NOP58: variants seen among roughly 807,000 people sequenced by gnomAD.
NOP58 encodes nucleolar protein 58.
NOP58 carries 44 observed loss-of-function variants against 71.2 expected under a neutral mutation model. The ratio of observed to expected loss-of-function variants is 0.62; its 90% CI spans 0.49 to 0.79. The LOEUF (loss-of-function observed/expected upper bound fraction) is 0.79. Ranked by LOEUF, NOP58 falls within the 30% of genes least tolerant of loss-of-function variation. The pLI, the probability that NOP58 is intolerant of heterozygous loss-of-function variation, is 0.00. For synonymous variants in NOP58, 228 were observed against 200.3 expected (o/e 1.14, Z -1.17); for missense variants, 538 against 620.2 (o/e 0.87, Z 1.41).
intron 8 of NOP58, among the ~76,000 whole-genome samples, chr2:202,292,195 T>C (rs1319058868): frequency 6.7e-6 from 1 of 148,426 alleles, no homozygotes; most frequent in African/African-American, 2.5e-5. Flanking sequence ...GGTTTCACCA[T>C]GTTGGCCAGG....
At position 202,297,460 on chromosome 2, in the gene NOP58, G is replaced by A. The variant is rs1187855495; in HGVS notation, c.1153G>A (p.Val385Ile). The A allele has an allele frequency of 6.2e-7, 1 of 1,614,014 alleles. No homozygotes were observed. The change falls in exon 11 of 15, where the codon GTT (valine) becomes ATT (isoleucine). Residue 385 changes from valine to isoleucine, a missense_variant. Coordinates refer to ENST00000264279, the MANE Select transcript of NOP58 (RefSeq NM_015934.5). ...TGAGGATTCAAGTTCTGCAATGGGA[G>A]TTGAGAACAGAGCCAAATTAGAGGC... Reference protein sequence around the residue: ...FGEDSSSAMGVENRAKLEARL... With the variant: ...FGEDSSSAMGIENRAKLEARL...
intron 1 of NOP58, among the ~76,000 whole-genome samples, chr2:202,272,509 A>G (rs1688527851): frequency 6.6e-6 from 1 of 152,194 alleles, no homozygotes; most frequent in Non-Finnish European, 1.5e-5. Context: ...AATAACCCAA[A>G]CTAGAAAAAC....
In NOP58 at chr2:202,302,926, G is replaced by A; in HGVS notation, c.1408G>A (p.Glu470Lys). 1 of 1,602,830 alleles carries A rather than the reference G, an allele frequency of 6.2e-7. No individual in the cohort carries two copies. The highest frequency in any genetic ancestry group is 1.1e-5 in the South Asian group (1 of 90,970). ...TTTACACTTACCCTATTCAGTTGAA[G>A]AAGAGGAAGAAGAAAAAGTGGCAGA... ...KKAKIKVKVE[E>K]EEEEKVAEEE... The change falls in exon 14 of 15, where the codon GAA (glutamate) becomes AAA (lysine). Residue 470 changes from glutamate to lysine, a missense_variant. Transcript: ENST00000264279.
intron 5 of NOP58, among the ~76,000 whole-genome samples, 155 bp from the exon 6 acceptor site, chr2:202,287,505 C>T (rs1457317871): frequency 2.7e-5 from 4 of 150,590 alleles, no homozygotes; most frequent in African/African-American, 9.8e-5. Flanking sequence ...TGGTGCATTT[C>T]TACTTAGCTG....
At chr2:202,283,784 TCTC>T (rs1393480404) in intron 4 of NOP58, among the ~76,000 whole-genome samples, 1 of 152,034 alleles carries the variant, frequency 6.6e-6, no homozygotes, top group Non-Finnish European at 1.5e-5. Context: ...TAGTAAAAGA[TCTC>T]CTTAAACCAA....
At chr2:202,290,529 A>G in intron 7 of NOP58, 72 bp downstream of exon 7, 1 of 1,335,610 alleles carries the variant, frequency 7.5e-7, no homozygotes, top group Non-Finnish European at 1.0e-6. Flanking sequence ...CATGACGTAT[A>G]GCATTTTGTT....
At chr2:202,293,423 GTAT>G (rs1031812705) in intron 9 of NOP58, among the ~76,000 whole-genome samples, 48 of 152,166 alleles carry the variant, frequency 3.2e-4, no homozygotes, top group Admixed American at 8.5e-4. Context: ...GTGTATGGCA[GTAT>G]TATAAGGATG....
chr2:202,292,135 A>C (rs1014666828), intron 8 of NOP58, among the ~76,000 whole-genome samples: 1 of 150,722 alleles, frequency 6.6e-6, no homozygotes, highest in Non-Finnish European at 1.5e-5. Context: ...CTGGGATTAC[A>C]AGCACGTGCC....
At position 202,265,768 on chromosome 2, in the gene NOP58, T is replaced by C. The variant is rs1028698004; in HGVS notation, c.-174T>C. On this transcript the variant is annotated 5_prime_UTR_variant, in exon 1 of 15. Transcript: ENST00000264279. ...GAGTAGCGCGTTCGTGCGTCCTAGT[T>C]CCAGTACAGCGTGGAGGGTTTAGGC... is the stretch of plus-strand genomic sequence containing the variant. 28 of 648,818 alleles carry C rather than the reference T, an allele frequency of 4.3e-5. No individual in the cohort carries two copies. The African/African-American group carries it at 5.1e-4, about 12-fold the overall frequency. 40.2% of individuals were successfully genotyped at this position (648,818 alleles called of 1,614,324 possible).
intron 3 of NOP58, chr2:202,278,289 T>C: frequency 1.9e-6 from 1 of 537,960 alleles, no homozygotes; most frequent in Non-Finnish European, 3.7e-6. Flanking sequence ...AACATAATGC[T>C]GAAGCACAAT....
intron 10 of NOP58, among the ~76,000 whole-genome samples, chr2:202,296,070 T>C (rs563563072): frequency 1.3e-5 from 2 of 151,424 alleles, no homozygotes; most frequent in Admixed American, 6.6e-5. Context: ...AGTATTTTTT[T>C]CCCCCCTAGA....
chr2:202,284,934 G>T (rs1688764870), intron 5 of NOP58, among the ~76,000 whole-genome samples: 1 of 152,196 alleles, frequency 6.6e-6, no homozygotes, highest in South Asian at 2.1e-4. Flanking sequence ...ACTAGGTGCA[G>T]TGGCTCACCC....
intron 4 of NOP58, among the ~76,000 whole-genome samples, chr2:202,282,740 A>G (rs1006199420): frequency 6.6e-6 from 1 of 152,174 alleles, no homozygotes; most frequent in South Asian, 2.1e-4. Context: ...TTAATGTTCT[A>G]TGTATATCAT....
At position 202,272,149 on chromosome 2, in the gene NOP58, ATTTTTTTTTTTTT is replaced by A. The variant is rs570916461; in HGVS notation, c.46-2954_46-2942del. On this transcript the variant is annotated intron_variant, in intron 1 of 14. Coordinates refer to ENST00000264279, the MANE Select transcript of NOP58 (RefSeq NM_015934.5). ...TTTTAGGGGTTTGTTCTGATGTATA[ATTTTTTTTTTTTT>A]TTTTTTTTTGAGACGGAGTCTTGCT... Among the ~76,000 whole-genome samples, 7 of 111,160 alleles carry A rather than the reference ATTTTTTTTTTTTT, an allele frequency of 6.3e-5. No homozygotes were observed. In the East Asian group the frequency reaches 1.5e-3, roughly 25 times the overall value. The allele number at this position is 111,160 out of a possible 152,430, so 72.9% of individuals were successfully genotyped here.
At chr2:202,282,597 G>C in intron 4 of NOP58, 125 bp downstream of exon 4, 3 of 904,024 alleles carry the variant, frequency 3.3e-6, no homozygotes, top group Non-Finnish European at 4.9e-6. Flanking sequence ...TTTTCTCTAA[G>C]CTACATGATA....
intron 13 of NOP58, among the ~76,000 whole-genome samples, chr2:202,301,896 TTAATATC>T (rs1272831261): frequency 6.6e-6 from 1 of 152,068 alleles, no homozygotes; most frequent in East Asian, 1.9e-4. Flanking sequence ...TCTTACCACT[TTAATATC>T]TATTATGTAA....
intron 2 of NOP58, chr2:202,276,553 C>T (rs745376315): frequency 4.2e-6 from 2 of 476,694 alleles, no homozygotes. Context: ...AAAATACTAC[C>T]CTGAGGCTGG....
At chr2:202,297,968 A>T in intron 12 of NOP58, 62 bp downstream of exon 12, 1 of 1,036,622 alleles carries the variant, frequency 9.6e-7, no homozygotes, top group Non-Finnish European at 1.4e-6. Context: ...ATTGACAGTA[A>T]TTTTTTATTG....
intron 2 of NOP58, among the ~76,000 whole-genome samples, chr2:202,275,869 A>C (rs552732145): frequency 1.6e-4 from 25 of 152,196 alleles, no homozygotes; most frequent in African/African-American, 5.8e-4. Flanking sequence ...GGGTTTCGCC[A>C]TGTTGGTCAG....
Sources: allele counts gnomAD v4.1 joint callset (sites outside exome capture counted in the v4.1 genomes callset), GRCh38; gene constraint gnomAD v4.1.1; transcripts MANE v1.5; gene names NCBI Gene and HGNC (gene_info 2026-07-23, HGNC 2026-07-21).